Variants in SLC44A5 observed in about 807,000 individuals in gnomAD.
The protein encoded by SLC44A5 is solute carrier family 44 member 5, also known as choline transporter-like protein 5.
Under a neutral mutation model 101.8 loss-of-function variants are expected in SLC44A5, and 57 were observed. That is an observed-to-expected ratio of 0.56 (90% CI 0.45 to 0.70). The LOEUF (loss-of-function observed/expected upper bound fraction) is 0.70, where lower values mean the gene tolerates loss of function less well. Ranked by LOEUF, SLC44A5 falls within the 30% of genes least tolerant of loss-of-function variation. The pLI, the probability that SLC44A5 is intolerant of heterozygous loss-of-function variation, is 0.00. For missense variants in SLC44A5, 737 were observed against 853.1 expected, an observed-to-expected ratio of 0.86 and a Z score of 1.70; for synonymous variants, 281 against 290.9, an observed-to-expected ratio of 0.97 and a Z score of 0.35.
At chr1:75,564,345 A>G (rs568654950) in intron 1 of SLC44A5, among the ~76,000 whole-genome samples, 1 of 152,324 alleles carries the variant, frequency 6.6e-6, no homozygotes, top group South Asian at 2.1e-4. Flanking sequence ...ATTTTCAAGC[A>G]TTAACATCAC....
intron 3 of SLC44A5, among the ~76,000 whole-genome samples, chr1:75,392,791 G>T (rs1175114190): frequency 2.0e-5 from 3 of 152,130 alleles, no homozygotes; most frequent in African/African-American, 4.8e-5. Flanking sequence ...AGAAACTGTG[G>T]TACATATACA....
At chr1:75,665,399 A>G in the SLC44A5 span, among the ~76,000 whole-genome samples, 1 of 152,188 alleles carries the variant, frequency 6.6e-6, no homozygotes, top group Non-Finnish European at 1.5e-5. Context: ...CTGTCCAGCC[A>G]TATGCAGAAG....
chr1:75,504,014 T>C (rs1669111884), intron 2 of SLC44A5, among the ~76,000 whole-genome samples: 1 of 152,196 alleles, frequency 6.6e-6, no homozygotes, highest in Admixed American at 6.5e-5. Flanking sequence ...GGGGATTTTT[T>C]TTACTAATCT....
At chr1:75,653,450 C>T in the SLC44A5 span, among the ~76,000 whole-genome samples, 3 of 152,246 alleles carry the variant, frequency 2.0e-5, no homozygotes, top group Non-Finnish European at 4.4e-5. Context: ...CCACTGCACT[C>T]AAGCCTGGGC....
At chr1:75,284,297 C>T (rs767256281) in intron 5 of SLC44A5, among the ~76,000 whole-genome samples, 17 of 152,090 alleles carry the variant, frequency 1.1e-4, no homozygotes, top group Non-Finnish European at 2.2e-4. Context: ...ATTTGATTCT[C>T]AGTTTGGTCA....
intron 2 of SLC44A5, among the ~76,000 whole-genome samples, chr1:75,522,560 G>C (rs1159954788): frequency 6.6e-6 from 1 of 151,882 alleles, no homozygotes; most frequent in African/African-American, 2.4e-5. Flanking sequence ...GGCAGTGCTG[G>C]TGGATTAACT....
intron 2 of SLC44A5, among the ~76,000 whole-genome samples, chr1:75,467,356 G>T (rs1234353857): frequency 1.3e-5 from 2 of 151,962 alleles, no homozygotes; most frequent in African/African-American, 4.8e-5. Context: ...GAACCACAGA[G>T]GACCCAGAAT....
chr1:75,303,790 G>A (rs1215185153), intron 4 of SLC44A5, among the ~76,000 whole-genome samples: 1 of 152,058 alleles, frequency 6.6e-6, no homozygotes, highest in East Asian at 1.9e-4. Context: ...TGGGGCCAGG[G>A]AAAATAATAT....
the SLC44A5 span, among the ~76,000 whole-genome samples, chr1:75,652,089 T>C: frequency 6.6e-6 from 1 of 151,966 alleles, no homozygotes; most frequent in Non-Finnish European, 1.5e-5. Flanking sequence ...CTGGGAACAT[T>C]CAACTGGTAA....
At chr1:75,403,107 C>A (rs1002610943) in intron 2 of SLC44A5, among the ~76,000 whole-genome samples, 2 of 152,170 alleles carry the variant, frequency 1.3e-5, no homozygotes. Flanking sequence ...GAGCCCACCA[C>A]AGCACTGCAA....
At chr1:75,233,066 A>C (rs1010930746) in intron 12 of SLC44A5, among the ~76,000 whole-genome samples, 2 of 152,114 alleles carry the variant, frequency 1.3e-5, no homozygotes, top group African/African-American at 2.4e-5. Flanking sequence ...TACCTTTTTT[A>C]GAAGACTGAA....
chr1:75,437,322 G>A (rs1664949362), intron 2 of SLC44A5, among the ~76,000 whole-genome samples: 1 of 152,052 alleles, frequency 6.6e-6, no homozygotes. Context: ...ATATCACTAG[G>A]TGATAGGAAT....
intron 1 of SLC44A5, among the ~76,000 whole-genome samples, chr1:75,595,271 C>A (rs1467207269): frequency 6.6e-6 from 1 of 151,980 alleles, no homozygotes; most frequent in Non-Finnish European, 1.5e-5. Flanking sequence ...AAGACTTTGC[C>A]TAAGGGCAGC....
rs569165607 is a variant in SLC44A5 at position 75,447,480 on chromosome 1, CTT to C, written c.14-50861_14-50860del. ...TTTGATAGAAATATTTTAAAATAAT[CTT>C]TGAGATATCATGGAAAACAAGAGAT... On this transcript the variant is annotated intron_variant, in intron 2 of 23. Coordinates refer to ENST00000370859, the MANE Select transcript of SLC44A5 (RefSeq NM_001130058.2). Among the ~76,000 whole-genome samples, 359 of 152,134 alleles carry C rather than the reference CTT, an allele frequency of 2.4e-3. 1 individual carries two copies. The highest frequency in any genetic ancestry group is 4.5e-3 in the Non-Finnish European group (306 of 67,968).
chr1:75,441,139 G>A (rs1041923169), intron 2 of SLC44A5, among the ~76,000 whole-genome samples: 4 of 152,024 alleles, frequency 2.6e-5, no homozygotes, highest in Admixed American at 2.6e-4. Context: ...AAGCATCTGT[G>A]GTAAGCTTAC....
chr1:75,691,476 T>C, the SLC44A5 span, among the ~76,000 whole-genome samples: 1 of 152,096 alleles, frequency 6.6e-6, no homozygotes, highest in Non-Finnish European at 1.5e-5. Flanking sequence ...GAAGCAGAGC[T>C]TGAGACAAGG....
At chr1:75,641,959 C>A in the SLC44A5 span, 5 of 1,601,260 alleles carry the variant, frequency 3.1e-6, no homozygotes, top group South Asian at 1.1e-5. Context: ...CAACCACAAT[C>A]TGCCTTTCTG....
At chr1:75,360,917 A>T (rs1659444361) in intron 3 of SLC44A5, among the ~76,000 whole-genome samples, 1 of 152,206 alleles carries the variant, frequency 6.6e-6, no homozygotes, top group Admixed American at 6.5e-5. Context: ...CATTTTAACA[A>T]TATTAATTCT....
rs1646688228 is a variant in SLC44A5 at position 75,202,954 on chromosome 1, GA to G, written c.*772del. On this transcript the variant is annotated 3_prime_UTR_variant, in exon 24 of 24. Transcript: ENST00000370859. The stretch of plus-strand genomic sequence containing the variant: ...TCATGAATGTCCACTAGGCGCAAGG[GA>G]AATTGTTTAGCTGCACAATGTATTC... 6.6e-6 allele frequency: 1 copy of G among 152,138 alleles called. No homozygotes were observed. The highest frequency in any genetic ancestry group is 2.1e-4 in the South Asian group (1 of 4,832). The allele number at this position is 152,138 out of a possible 1,614,324, so 9.4% of individuals were successfully genotyped here.
Sources: gnomAD v4.1 joint callset for allele counts (sites outside exome capture counted in the v4.1 genomes callset) on GRCh38, gnomAD v4.1.1 for gene constraint, MANE v1.5 for transcripts, NCBI Gene and HGNC (gene_info 2026-07-23, HGNC 2026-07-21) for gene names.